Variants in CLIP1 observed in about 807,000 individuals in gnomAD.
CLIP1 encodes CAP-Gly domain containing linker protein 1.
CLIP1 carries 66 observed loss-of-function variants against 161.6 expected under a neutral mutation model. That is an observed-to-expected ratio of 0.41 (90% CI 0.33 to 0.50). The LOEUF (loss-of-function observed/expected upper bound fraction) is 0.50. Ranked by LOEUF, CLIP1 falls within the 20% of genes least tolerant of loss-of-function variation. The probability of loss-of-function intolerance (pLI) is 0.27; values close to 1 mark genes in which losing one functional copy is unlikely to be tolerated. For missense variants in CLIP1, 1,376 were observed against 1,702.0 expected, an observed-to-expected ratio of 0.81 and a Z score of 3.37; for synonymous variants, 598 against 626.2, an observed-to-expected ratio of 0.96 and a Z score of 0.67.
At chr12:122,400,473 C>A (rs573708669) in intron 1 of CLIP1, 5 of 152,154 alleles carry the variant, frequency 3.3e-5, no homozygotes, top group Non-Finnish European at 7.3e-5. Flanking sequence ...AGGCCCCATA[C>A]GCTACTGCCA....
At chr12:122,328,236 A>G in intron 16 of CLIP1, 25 bp downstream of exon 16, 1 of 1,613,512 alleles carries the variant, frequency 6.2e-7, no homozygotes, top group Non-Finnish European at 8.5e-7. Flanking sequence ...TTGCCAGCCA[A>G]CAGGCCCACT....
At chr12:122,306,989 G>T (rs986082915) in intron 20 of CLIP1, among the ~76,000 whole-genome samples, 58 of 141,874 alleles carry the variant, frequency 4.1e-4, no homozygotes, top group African/African-American at 1.5e-3. Context: ...TGTATCCTTG[G>T]TAAGTTCACT....
chr12:122,364,736 G>A, intron 3 of CLIP1: 2 of 609,412 alleles, frequency 3.3e-6, no homozygotes, highest in Non-Finnish European at 6.2e-6. Context: ...AAATGTTCCT[G>A]CTTCGCCTTT....
rs553162147 is a variant in CLIP1, at chr12:122,362,040, G to A, written c.783-859C>T. Among the ~76,000 whole-genome samples the A allele has an allele frequency of 1.6e-4, 24 of 151,294 alleles. No individual in the cohort carries two copies. In the South Asian group the frequency reaches 3.8e-3, roughly 24 times the overall value. On this transcript the variant is annotated intron_variant, in intron 4 of 25. Coordinates refer to ENST00000620786, the MANE Select transcript of CLIP1 (RefSeq NM_001247997.2). Reference sequence around the variant, plus strand: ...GCAATCTCAGCTCACCACAACCTCCGCCTCCCAGGTTCAAGCGATTCTCCT... The same window carrying A: ...GCAATCTCAGCTCACCACAACCTCCACCTCCCAGGTTCAAGCGATTCTCCT...
At position 122,323,648 on chromosome 12, in the gene CLIP1, T is replaced by A. The variant is rs1336279182; in HGVS notation, c.3249+4299A>T. On this transcript the variant is annotated intron_variant, in intron 17 of 25. Transcript: ENST00000620786. This position sits in a 1 kb window ranked among gnomAD's most constrained non-coding sequence, Gnocchi z 4.1. ...TTGAAGCAGCATGTCCGTCTCTAAC[T>A]GCAGATTTCTGTTGTTCTGAAGAAC... 6.5e-6 allele frequency: 1 copy of A among 152,710 alleles called. No individual in the cohort carries two copies. Among genetic ancestry groups the A allele is most frequent in the African/African-American group, 2.4e-5 (1 of 41,470 alleles). 9.5% of individuals were successfully genotyped at this position (152,710 alleles called of 1,614,324 possible).
chr12:122,384,803 T>C (rs901592806), intron 1 of CLIP1, among the ~76,000 whole-genome samples: 7 of 150,368 alleles, frequency 4.7e-5, no homozygotes, highest in Non-Finnish European at 8.9e-5. Flanking sequence ...TTCTCTCCAG[T>C]TTCTTTTTTT....
At position 122,377,671 on chromosome 12, in the gene CLIP1, T is replaced by C. The variant is rs1191230830; in HGVS notation, c.375A>G (p.Thr125=). 23 of 1,613,618 alleles carry C rather than the reference T, an allele frequency of 1.4e-5. No individual in the cohort carries two copies. Among genetic ancestry groups the C allele is most frequent in the Non-Finnish European group, 1.8e-5 (21 of 1,179,984 alleles). ...KGIFTRPSKL[T]RKVQAEDEAN... ...CTTCATCTTCTGCTTGCACCTTCCT[T>C]GTTAACTTTGAAGGTCGGGTAAATA... Residue 125 remains threonine (T), a synonymous_variant, in exon 3 of 26, where the codon ACA becomes ACG. Coordinates refer to ENST00000620786, the MANE Select transcript of CLIP1 (RefSeq NM_001247997.2).
chr12:122,397,797 AT>A (rs1955981185), intron 1 of CLIP1, among the ~76,000 whole-genome samples: 1 of 151,626 alleles, frequency 6.6e-6, no homozygotes, highest in Non-Finnish European at 1.5e-5. Flanking sequence ...TAAAAAAAAA[AT>A]ATAAAAATTA....
At chr12:122,401,452 G>A (rs1051628291) in intron 1 of CLIP1, among the ~76,000 whole-genome samples, 11 of 152,030 alleles carry the variant, frequency 7.2e-5, no homozygotes, top group African/African-American at 2.7e-4. Context: ...GATCACTTGA[G>A]GTCAGGAATT....
At chr12:122,330,279 C>T (rs1951888709) in intron 15 of CLIP1, among the ~76,000 whole-genome samples, 1 of 152,244 alleles carries the variant, frequency 6.6e-6, no homozygotes, top group East Asian at 1.9e-4. Flanking sequence ...CCACCACTAC[C>T]TGTGTAGCAG....
intron 20 of CLIP1, among the ~76,000 whole-genome samples, chr12:122,292,876 G>A (rs773964350): frequency 2.6e-5 from 4 of 151,706 alleles, no homozygotes; most frequent in African/African-American, 4.8e-5. Flanking sequence ...GGTGGTGGGC[G>A]CCTGTAGTCC....
chr12:122,361,230 A>T (rs1566173309), intron 4 of CLIP1, 49 bp from the exon 5 acceptor site: 2 of 1,450,524 alleles, frequency 1.4e-6, no homozygotes, highest in Non-Finnish European at 1.9e-6. Context: ...AATCACAAGA[A>T]ATAATAACTA....
In CLIP1 at chr12:122,361,063, C is replaced by T. The variant is rs777041077; in HGVS notation, c.901G>A (p.Ala301Thr). Residue 301 changes from alanine (A) to threonine (T), a missense_variant, in exon 5 of 26, where the codon GCG (alanine) becomes ACG (threonine). By Grantham distance (58) the Ala-to-Thr change is moderately conservative. Coordinates refer to ENST00000620786, the MANE Select transcript of CLIP1 (RefSeq NM_001247997.2). ...AKANAVRRVM[A>T]TTSASLKRSP... The stretch of plus-strand genomic sequence containing the variant: ...CGCTTCAGGCTGGCGGACGTGGTCG[C>T]CATCACTCGCCTCACTGCGTTGGCC... 10 of 1,614,250 alleles carry T rather than the reference C, an allele frequency of 6.2e-6. No individual in the cohort carries two copies. The highest frequency in any genetic ancestry group is 8.5e-6 in the Non-Finnish European group (10 of 1,180,044).
chr12:122,365,445 C>G, intron 3 of CLIP1: 1 of 783,830 alleles, frequency 1.3e-6, no homozygotes, highest in East Asian at 2.4e-5. Flanking sequence ...ATTAAGCACT[C>G]TAAGAGCCAA....
Position 122,377,422 on chromosome 12 carries a change from T to A in CLIP1, c.624A>T (p.Gly208=), listed in dbSNP as rs1954793623. ...NLSEAGSIKK[G]ERELKIGDRV... ...TGTCTCCGATTTTGAGCTCTCTTTC[T>A]CCTTTCTTGATTGAGCCAGCCTCTG... The change falls in exon 3 of 26, where the codon GGA becomes GGT. Residue 208 remains glycine (G), a synonymous_variant. Transcript: ENST00000620786. 3.7e-6 allele frequency: 6 copies of A among 1,614,084 alleles called. No homozygotes were observed. Among genetic ancestry groups the A allele is most frequent in the Non-Finnish European group, 5.1e-6 (6 of 1,180,010 alleles).
intron 1 of CLIP1, among the ~76,000 whole-genome samples, chr12:122,404,918 A>AC (rs1289644814): frequency 2.1e-5 from 3 of 145,268 alleles, no homozygotes; most frequent in African/African-American, 7.6e-5. Context: ...AAAACAAAAC[A>AC]AAAAAAAACC....
chr12:122,284,680 C>T (rs1392980305), intron 21 of CLIP1, among the ~76,000 whole-genome samples: 1 of 152,074 alleles, frequency 6.6e-6, no homozygotes, highest in African/African-American at 2.4e-5. Flanking sequence ...CCATGAAAAG[C>T]GTCCCATGCC....
At chr12:122,389,758 CAAA>C (rs57168188) in intron 1 of CLIP1, among the ~76,000 whole-genome samples, 20 of 69,296 alleles carry the variant, frequency 2.9e-4, no homozygotes, top group Admixed American at 6.6e-4. Context: ...GATCCTGTCT[CAAA>C]AAAAAAAAAA....
intron 1 of CLIP1, among the ~76,000 whole-genome samples, chr12:122,412,014 G>C (rs1195839410): frequency 1.3e-5 from 2 of 149,050 alleles, no homozygotes; most frequent in African/African-American, 5.0e-5. Flanking sequence ...TAAAAAACTG[G>C]TGTACTTAGC....
Sources: allele counts gnomAD v4.1 joint callset (sites outside exome capture counted in the v4.1 genomes callset), GRCh38; gene constraint gnomAD v4.1.1; non-coding constraint Gnocchi (gnomAD v3.1); transcripts MANE v1.5; gene names NCBI Gene and HGNC (gene_info 2026-07-23, HGNC 2026-07-21).